The following ZNF184 variants were observed in gnomAD, a reference collection of about 807,000 sequenced individuals.
ZNF184 encodes the protein zinc finger protein 184 (Kruppel-like).
A neutral mutation model predicts 54.4 loss-of-function variants in ZNF184; 16 were observed. The ratio of observed to expected loss-of-function variants is 0.29; its 90% CI spans 0.20 to 0.45. ZNF184 has a LOEUF of 0.45. Ranked by LOEUF, ZNF184 falls within the 20% of genes least tolerant of loss-of-function variation. The probability of loss-of-function intolerance (pLI) is 1.00; values close to 1 mark genes in which losing one functional copy is unlikely to be tolerated. For synonymous variants in ZNF184, 254 were observed against 295.3 expected (o/e 0.86, Z 1.43); for missense variants, 681 against 888.2 (o/e 0.77, Z 2.97).
At chr6:27,427,074 G>A in the ZNF184 span, among the ~76,000 whole-genome samples, 11 of 125,762 alleles carry the variant, frequency 8.7e-5, no homozygotes, top group Admixed American at 8.6e-4. Flanking sequence ...TTTCTAGAAC[G>A]TATTATTGAG....
chr6:27,454,729 G>A (rs1245747042), intron 5 of ZNF184, among the ~76,000 whole-genome samples: 6 of 152,018 alleles, frequency 3.9e-5, no homozygotes, highest in Non-Finnish European at 8.8e-5. Context: ...AGAATATAAG[G>A]GGCAGGGCAA....
At chr6:27,427,885 C>A in the ZNF184 span, among the ~76,000 whole-genome samples, 7,319 of 152,300 alleles carry the variant, frequency 0.048, 255 homozygotes, top group Non-Finnish European at 0.072. Context: ...CCTAAAAAGT[C>A]TGGTAAATGC....
the ZNF184 span, among the ~76,000 whole-genome samples, chr6:27,436,168 T>A: frequency 4.6e-5 from 7 of 151,826 alleles, no homozygotes; most frequent in Non-Finnish European, 1.0e-4. Flanking sequence ...TATGTGTGTG[T>A]TTTTTTTGTT....
chr6:27,448,873 C>T (rs190702125), downstream of ZNF184, among the ~76,000 whole-genome samples: 1 of 152,268 alleles, frequency 6.6e-6, no homozygotes, highest in African/African-American at 2.4e-5. Flanking sequence ...TGCCCAAGCC[C>T]TTCACCCTGC....
the ZNF184 span, chr6:27,406,668 G>A: frequency 6.6e-6 from 1 of 152,278 alleles, no homozygotes; most frequent in African/African-American, 2.4e-5. Flanking sequence ...CTGTACAAGA[G>A]TGCCAACATT....
intron 2 of ZNF184, 27 bp from the exon 3 acceptor site, chr6:27,467,947 A>C: frequency 6.5e-7 from 1 of 1,538,542 alleles, no homozygotes; most frequent in Non-Finnish European, 8.8e-7. Flanking sequence ...GAGCCATATG[A>C]CTTCTGTTCA....
chr6:27,456,531 C>T (rs1762857047), intron 5 of ZNF184, among the ~76,000 whole-genome samples: 1 of 152,070 alleles, frequency 6.6e-6, no homozygotes, highest in African/African-American at 2.4e-5. Context: ...ATTATGAGAT[C>T]ATGGTCCTAA....
At chr6:27,470,165 G>A (rs866924912) in intron 2 of ZNF184, among the ~76,000 whole-genome samples, 1 of 151,962 alleles carries the variant, frequency 6.6e-6, no homozygotes, top group Non-Finnish European at 1.5e-5. Context: ...TAAAATTTAC[G>A]CAAAATGATC....
At chr6:27,427,116 T>TAAAAAAAAAAAA in the ZNF184 span, among the ~76,000 whole-genome samples, 11 of 106,856 alleles carry the variant, frequency 1.0e-4, no homozygotes, top group South Asian at 3.4e-4. Flanking sequence ...ACACTCTATG[T>TAAAAAAAAAAAA]AAAAAAAAAA....
chr6:27,454,986 C>T (rs1248299989), intron 5 of ZNF184, among the ~76,000 whole-genome samples: 2 of 152,134 alleles, frequency 1.3e-5, no homozygotes, highest in African/African-American at 2.4e-5. Context: ...ATCAAGACAG[C>T]TCCGAGAAGA....
At chr6:27,416,766 A>C in the ZNF184 span, among the ~76,000 whole-genome samples, 4 of 152,168 alleles carry the variant, frequency 2.6e-5, no homozygotes, top group Non-Finnish European at 4.4e-5. Flanking sequence ...GAGTTTCATT[A>C]TTCACATTTA....
intron 3 of ZNF184, among the ~76,000 whole-genome samples, chr6:27,461,316 G>A (rs1170786817): frequency 6.6e-6 from 1 of 152,152 alleles, no homozygotes; most frequent in Non-Finnish European, 1.5e-5. Flanking sequence ...CTCTGATTAT[G>A]AATACCCTTT....
At chr6:27,462,211 T>G (rs1763012300) in intron 3 of ZNF184, among the ~76,000 whole-genome samples, 1 of 152,028 alleles carries the variant, frequency 6.6e-6, no homozygotes, top group Non-Finnish European at 1.5e-5. Context: ...GAATTTTTTT[T>G]TTTTGAGGCG....
At chr6:27,435,429 TC>T in the ZNF184 span, among the ~76,000 whole-genome samples, 3 of 152,200 alleles carry the variant, frequency 2.0e-5, no homozygotes, top group Non-Finnish European at 4.4e-5. Flanking sequence ...TTTCTTAATT[TC>T]CCTTCTGGAT....
chr6:27,448,478 C>T (rs1287714421), downstream of ZNF184, among the ~76,000 whole-genome samples: 2 of 152,204 alleles, frequency 1.3e-5, no homozygotes, highest in African/African-American at 2.4e-5. Context: ...GTGCCCGACA[C>T]TCTCCAATGA....
the ZNF184 span, among the ~76,000 whole-genome samples, chr6:27,431,420 C>A: frequency 3.3e-5 from 5 of 152,208 alleles, no homozygotes; most frequent in African/African-American, 7.2e-5. Flanking sequence ...ATACATGTCT[C>A]TGACCTTTCT....
At chr6:27,413,963 G>A in the ZNF184 span, among the ~76,000 whole-genome samples, 1 of 152,174 alleles carries the variant, frequency 6.6e-6, no homozygotes, top group Non-Finnish European at 1.5e-5. Context: ...GGGAGCTGGA[G>A]ATTTGAGATC....
the ZNF184 span, among the ~76,000 whole-genome samples, chr6:27,409,296 G>A: frequency 6.6e-6 from 1 of 151,934 alleles, no homozygotes; most frequent in African/African-American, 2.4e-5. Context: ...TGAGGAGATC[G>A]AGACCATCCT....
chr6:27,412,767 G>A, the ZNF184 span, among the ~76,000 whole-genome samples: 7 of 152,262 alleles, frequency 4.6e-5, no homozygotes, highest in South Asian at 1.5e-3. Flanking sequence ...GGGGCTTCCA[G>A]GTCATACATG....
Sources: allele counts gnomAD v4.1 joint callset (sites outside exome capture counted in the v4.1 genomes callset), GRCh38; gene constraint gnomAD v4.1.1; transcripts MANE v1.5; gene names NCBI Gene and HGNC (gene_info 2026-07-23, HGNC 2026-07-21).